The following ATP5F1A variants were observed in gnomAD, a reference collection of about 807,000 sequenced individuals.
ATP5F1A encodes the protein ATP synthase F1 subunit alpha, also known as ATP synthase F(1) complex subunit alpha, mitochondrial.
In ATP5F1A, 24 loss-of-function variants were observed where a neutral mutation model predicts 57.4. That is an observed-to-expected ratio of 0.42 (90% confidence interval 0.30 to 0.59). ATP5F1A has a LOEUF of 0.59. Among genes scored for constraint, ATP5F1A ranks in the 20% least tolerant of loss-of-function variants. The pLI, the probability that ATP5F1A is intolerant of heterozygous loss-of-function variation, is 0.19. For missense variants in ATP5F1A, 494 were observed against 707.9 expected, an observed-to-expected ratio of 0.70 and a Z score of 3.43; for synonymous variants, 251 against 255.5, an observed-to-expected ratio of 0.98 and a Z score of 0.17.
chr18:46,088,396 AG>A, intron 5 of ATP5F1A, 139 bp from the exon 6 acceptor site: 1 of 779,230 alleles, frequency 1.3e-6, no homozygotes, highest in Non-Finnish European at 1.9e-6. Flanking sequence ...TTCTGTACTA[AG>A]AAAAATTCTT....
chr18:46,090,653 G>C (rs1910489854), intron 3 of ATP5F1A, among the ~76,000 whole-genome samples: 1 of 152,118 alleles, frequency 6.6e-6, no homozygotes, highest in South Asian at 2.1e-4. Context: ...GAGTATCATG[G>C]AATATCATTA....
rs957767408 is a variant in ATP5F1A, at chr18:46,083,500, G to A, written c.*782C>T. ...TAATCCTATGCATTCTATCTTCTCA[G>A]CTTTTGTTCCAGCAATTTTTTCATT... On this transcript the variant is annotated 3_prime_UTR_variant, in exon 12 of 12. Transcript: ENST00000398752. 6.6e-6 allele frequency: 1 copy of A among 152,174 alleles called. No homozygotes were observed. Among genetic ancestry groups the A allele is most frequent in the African/African-American group, 2.4e-5 (1 of 41,432 alleles). The allele number at this position is 152,174 out of a possible 1,614,324, so 9.4% of individuals were successfully genotyped here. A position where few individuals can be genotyped will look rare whatever the true frequency, so the allele number is the denominator to read the frequency against.
upstream of ATP5F1A, among the ~76,000 whole-genome samples, chr18:46,100,994 A>C (rs1448762330): frequency 6.6e-6 from 1 of 152,018 alleles, no homozygotes; most frequent in African/African-American, 2.4e-5. Context: ...AATCACATGA[A>C]CCTGGAGGCA....
intron 10 of ATP5F1A, chr18:46,085,311 AAAAAAAAAAAAAAG>A (rs1910000810): frequency 6.7e-6 from 1 of 149,534 alleles, no homozygotes; most frequent in African/African-American, 2.5e-5. Flanking sequence ...TGTATTAAAA[AAAAAAAAAAAAAAG>A]AAAGAAAGAA....
intron 11 of ATP5F1A, 49 bp downstream of exon 11, chr18:46,084,455 A>T: frequency 1.9e-6 from 3 of 1,576,802 alleles, no homozygotes; most frequent in Non-Finnish European, 2.6e-6. Context: ...TTTTAACTTC[A>T]TATCTTAAAC....
intron 2 of ATP5F1A, 27 bp downstream of exon 2, chr18:46,095,026 G>T (rs372098285): frequency 3.1e-6 from 5 of 1,602,366 alleles, no homozygotes; most frequent in South Asian, 1.1e-5. Context: ...TAGTAAGTGC[G>T]GCGTAGACTG....
chr18:46,090,709 T>C (rs1910493362), intron 3 of ATP5F1A, among the ~76,000 whole-genome samples: 1 of 152,172 alleles, frequency 6.6e-6, no homozygotes, highest in Non-Finnish European at 1.5e-5. Context: ...CAATACAGCA[T>C]CCACTAACCA....
intron 11 of ATP5F1A, 58 bp downstream of exon 11, chr18:46,084,446 T>C: frequency 6.3e-7 from 1 of 1,575,032 alleles, no homozygotes; most frequent in Non-Finnish European, 8.6e-7. Flanking sequence ...TGAAAATAAT[T>C]TTAACTTCAT....
intron 1 of ATP5F1A, among the ~76,000 whole-genome samples, chr18:46,103,892 C>T (rs569033543): frequency 3.3e-5 from 5 of 151,368 alleles, no homozygotes; most frequent in African/African-American, 1.2e-4. Context: ...CCAGCCTGGG[C>T]GACAAAGCGA....
intron 10 of ATP5F1A, 172 bp from the exon 11 acceptor site, chr18:46,084,826 CT>C (rs1909962680): frequency 4.9e-6 from 3 of 614,452 alleles, no homozygotes; most frequent in African/African-American, 2.0e-5. Context: ...CCTCCCACCC[CT>C]GACAGAAAAC....
Position 46,086,343 on chromosome 18 carries a change from A to G in ATP5F1A, c.1284+44T>C, listed in dbSNP as rs202177720. 6.7e-4 allele frequency: 1,086 copies of G among 1,611,646 alleles called. 12 individuals carry two copies. The African/African-American group carries it at 0.012, about 17-fold the overall frequency. ...TAATATATTAATACCTTAAGATGCT[A>G]ATCTAATGATAGCCCCCTTACTGCC... On this transcript the variant is annotated intron_variant, in intron 9 of 11. Coordinates refer to ENST00000398752, the MANE Select transcript of ATP5F1A (RefSeq NM_004046.6).
intron 10 of ATP5F1A, chr18:46,084,905 ATC>A (rs1377487717): frequency 2.8e-6 from 1 of 362,910 alleles, no homozygotes; most frequent in Admixed American, 4.5e-5. Flanking sequence ...ACTGTTTATA[ATC>A]TGACAGTGTT....
At position 46,089,554 on chromosome 18, in the gene ATP5F1A, T is replaced by C. The variant is rs371501266; in HGVS notation, c.650+12A>G. 10 of 1,611,952 alleles carry C rather than the reference T, an allele frequency of 6.2e-6. No homozygotes were observed. The South Asian group carries it at 1.1e-4, about 18-fold the overall frequency. ...TTTAGTTAGAACTTTTAATATGCTT[T>C]TGAGTCTTTACCCAGTCTGTCGGTC... On this transcript the variant is annotated intron_variant, in intron 5 of 11. Coordinates refer to ENST00000398752, the MANE Select transcript of ATP5F1A (RefSeq NM_004046.6).
At chr18:46,096,844 A>C (rs1468615109) in intron 1 of ATP5F1A, among the ~76,000 whole-genome samples, 1 of 151,192 alleles carries the variant, frequency 6.6e-6, no homozygotes. Flanking sequence ...GTAGCAGGGC[A>C]TGACGGCGGG....
chr18:46,098,758 A>G (rs1426199438), upstream of ATP5F1A, among the ~76,000 whole-genome samples: 2 of 152,154 alleles, frequency 1.3e-5, no homozygotes, highest in Non-Finnish European at 1.5e-5. Context: ...GGAGCCCGTT[A>G]ATCTGCAGAT....
At chr18:46,094,232 T>C (rs1388505545) in intron 2 of ATP5F1A, among the ~76,000 whole-genome samples, 1 of 152,096 alleles carries the variant, frequency 6.6e-6, no homozygotes, top group African/African-American at 2.4e-5. Flanking sequence ...ACCTTTATTT[T>C]AAAAGTCCAA....
chr18:46,086,545 C>A (rs772102630), intron 8 of ATP5F1A, 51 bp from the exon 9 acceptor site: 1 of 1,523,726 alleles, frequency 6.6e-7, no homozygotes, highest in Admixed American at 1.9e-5. Flanking sequence ...AAGAAATCAA[C>A]TATCTTCAAA....
chr18:46,098,351 C>A, upstream of ATP5F1A: 1 of 1,371,096 alleles, frequency 7.3e-7, no homozygotes, highest in East Asian at 2.8e-5. Flanking sequence ...GAAGTACTGC[C>A]CCTCGCGTTC....
At chr18:46,090,225 GCTCA>G (rs1194986790) in intron 3 of ATP5F1A, among the ~76,000 whole-genome samples, 2 of 152,078 alleles carry the variant, frequency 1.3e-5, no homozygotes, top group Non-Finnish European at 2.9e-5. Context: ...AGCCTAATAT[GCTCA>G]CTATCATATC....
Sources: gnomAD v4.1 joint callset for allele counts (sites outside exome capture counted in the v4.1 genomes callset) on GRCh38, gnomAD v4.1.1 for gene constraint, MANE v1.5 for transcripts, NCBI Gene and HGNC (gene_info 2026-07-23, HGNC 2026-07-21) for gene names.